Variants in MALRD1 observed in about 807,000 individuals in gnomAD.
MALRD1 encodes MAM and LDL receptor class A domain containing 1.
A neutral mutation model predicts 242.1 loss-of-function variants in MALRD1; 247 were observed. That is an observed-to-expected ratio of 1.02 (90% CI 0.92 to 1.13). The LOEUF is 1.13. Among genes scored for constraint, MALRD1 ranks in the 50% most tolerant of loss-of-function variants. The pLI is 0.00. For synonymous variants in MALRD1, 995 were observed against 866.6 expected (o/e 1.15, Z -2.60); for missense variants, 2,989 against 2,533.1 (o/e 1.18, Z -3.86).
intron 29 of MALRD1, among the ~76,000 whole-genome samples, chr10:19,480,891 A>G (rs1428447108): frequency 1.3e-5 from 2 of 152,160 alleles, no homozygotes; most frequent in Admixed American, 6.6e-5. Flanking sequence ...TGAAGTAGGC[A>G]TAACCTAGGG....
At chr10:19,195,038 C>A (rs1159295072) in intron 14 of MALRD1, among the ~76,000 whole-genome samples, 1 of 150,408 alleles carries the variant, frequency 6.6e-6, no homozygotes, top group African/African-American at 2.4e-5. Flanking sequence ...CCTTATCTGT[C>A]CTGCCCAGGA....
intron 36 of MALRD1, among the ~76,000 whole-genome samples, chr10:19,690,264 A>AT (rs1272116502): frequency 6.6e-6 from 1 of 151,986 alleles, no homozygotes; most frequent in African/African-American, 2.4e-5. Context: ...ATTTCCTATT[A>AT]TTTTCTCATG....
At chr10:19,537,403 G>A (rs552387879) in intron 32 of MALRD1, among the ~76,000 whole-genome samples, 4 of 149,328 alleles carry the variant, frequency 2.7e-5, no homozygotes, top group Non-Finnish European at 5.9e-5. Context: ...TGGAGGCTGC[G>A]AAGTCCAAGA....
intron 5 of MALRD1, 65 bp from the exon 6 acceptor site, chr10:19,123,427 C>G (rs991853797): frequency 2.1e-6 from 2 of 961,338 alleles, no homozygotes; most frequent in African/African-American, 3.4e-5. Context: ...AACATTAAAG[C>G]AAAATACTTG....
intron 34 of MALRD1, among the ~76,000 whole-genome samples, chr10:19,606,220 C>A (rs1838616619): frequency 6.6e-6 from 1 of 152,088 alleles, no homozygotes; most frequent in African/African-American, 2.4e-5. Flanking sequence ...AAGAACCATA[C>A]ATGGGGACAT....
chr10:19,201,461 A>G (rs995939246), intron 14 of MALRD1, among the ~76,000 whole-genome samples: 4 of 152,188 alleles, frequency 2.6e-5, no homozygotes, highest in Non-Finnish European at 5.9e-5. Context: ...AGCAGATAAT[A>G]AGGTTCCCCT....
intron 4 of MALRD1, among the ~76,000 whole-genome samples, chr10:19,095,652 C>T (rs900983166): frequency 3.9e-5 from 6 of 151,954 alleles, no homozygotes; most frequent in Non-Finnish European, 7.4e-5. Flanking sequence ...ACTATGTGTC[C>T]CTGGGCCCTG....
chr10:19,152,200 A>T (rs1168058571), intron 11 of MALRD1, among the ~76,000 whole-genome samples: 2 of 152,174 alleles, frequency 1.3e-5, no homozygotes, highest in African/African-American at 2.4e-5. Flanking sequence ...CCAGGAATAA[A>T]ACTGGTAAAT....
chr10:19,121,994 A>T (rs963195761), intron 5 of MALRD1, among the ~76,000 whole-genome samples: 1 of 152,236 alleles, frequency 6.6e-6, no homozygotes, highest in African/African-American at 2.4e-5. Context: ...TTCAGTCTGC[A>T]TGATTGTGAA....
At chr10:19,546,568 C>T (rs1421343363) in intron 32 of MALRD1, among the ~76,000 whole-genome samples, 8 of 152,342 alleles carry the variant, frequency 5.3e-5, no homozygotes, top group African/African-American at 1.7e-4. Context: ...CAGATGGTGA[C>T]ATATGCACAG....
At chr10:19,379,468 A>G (rs909343638) in intron 26 of MALRD1, among the ~76,000 whole-genome samples, 2 of 152,192 alleles carry the variant, frequency 1.3e-5, no homozygotes, top group African/African-American at 4.8e-5. Context: ...CCTGGAGCCC[A>G]TAAATTTTGA....
At chr10:19,367,788 A>G (rs1845170867) in intron 26 of MALRD1, among the ~76,000 whole-genome samples, 1 of 151,970 alleles carries the variant, frequency 6.6e-6, no homozygotes, top group African/African-American at 2.4e-5. Context: ...GTCTTATTGT[A>G]TAATAGCCAT....
chr10:19,676,440 G>T (rs1842142930), intron 36 of MALRD1, among the ~76,000 whole-genome samples: 1 of 152,098 alleles, frequency 6.6e-6, no homozygotes, highest in African/African-American at 2.4e-5. Context: ...GTGAATATGA[G>T]AATTTGGACA....
At chr10:19,507,911 T>C (rs976803367) in intron 31 of MALRD1, among the ~76,000 whole-genome samples, 1 of 152,206 alleles carries the variant, frequency 6.6e-6, no homozygotes, top group Middle Eastern at 3.2e-3. Flanking sequence ...GAAATATTTT[T>C]TTGAAGCCCA....
chr10:19,555,918 A>C (rs1462547477), intron 32 of MALRD1, among the ~76,000 whole-genome samples: 1 of 152,140 alleles, frequency 6.6e-6, no homozygotes, highest in Non-Finnish European at 1.5e-5. Flanking sequence ...GAGGGAGAGA[A>C]AAGGAGGGTG....
In MALRD1 at chr10:19,371,477, G is replaced by T. The variant is rs200362392; in HGVS notation, c.4442-16051G>T. Among the ~76,000 whole-genome samples, 5 of 22,308 alleles carry T rather than the reference G, an allele frequency of 2.2e-4. No individual in the cohort carries two copies. The East Asian group carries it at 3.9e-3, about 17-fold the overall frequency. The allele number at this position is 22,308 out of a possible 152,430, so 14.6% of individuals were successfully genotyped here. On this transcript the variant is annotated intron_variant, in intron 26 of 39. Coordinates refer to ENST00000454679, the MANE Select transcript of MALRD1 (RefSeq NM_001142308.3). ...TCTATACAGAAAATTATGTTTTTTT[G>T]TTTTGTTTTGTTTTGTTTTTTGTTT...
intron 36 of MALRD1, among the ~76,000 whole-genome samples, chr10:19,671,683 G>A (rs922252707): frequency 7.2e-5 from 11 of 152,098 alleles, no homozygotes; most frequent in East Asian, 3.9e-4. Context: ...TACATGCTAC[G>A]TATCCATTGC....
intron 26 of MALRD1, among the ~76,000 whole-genome samples, 152 bp from the exon 27 acceptor site, chr10:19,387,376 G>A (rs564109198): frequency 1.1e-4 from 16 of 151,932 alleles, no homozygotes; most frequent in Non-Finnish European, 1.8e-4. Context: ...GGAGCAGAGT[G>A]GGAGAGAGAG....
At chr10:19,244,965 A>G (rs1004378749) in intron 18 of MALRD1, among the ~76,000 whole-genome samples, 1 of 152,188 alleles carries the variant, frequency 6.6e-6, no homozygotes, top group African/African-American at 2.4e-5. Flanking sequence ...AGAAGTCACA[A>G]TAGTATCTTA....
Sources: gnomAD v4.1 joint callset for allele counts (sites outside exome capture counted in the v4.1 genomes callset) on GRCh38, gnomAD v4.1.1 for gene constraint, MANE v1.5 for transcripts, NCBI Gene and HGNC (gene_info 2026-07-23, HGNC 2026-07-21) for gene names.